Variants in DYNC2H1 observed in about 807,000 individuals in gnomAD.
DYNC2H1 encodes dynein cytoplasmic 2 heavy chain 1, also known as cytoplasmic dynein 2 heavy chain 1.
In DYNC2H1, 410 loss-of-function variants were observed where a neutral mutation model predicts 570.0. The ratio of observed to expected loss-of-function variants is 0.72; its 90% CI spans 0.66 to 0.78. DYNC2H1 has a LOEUF of 0.78. Ranked by LOEUF, DYNC2H1 falls within the 30% of genes least tolerant of loss-of-function variation. The pLI is 0.00. For synonymous variants in DYNC2H1, 1,688 were observed against 1,677.6 expected (o/e 1.01, Z -0.15); for missense variants, 4,865 against 5,046.4 (o/e 0.96, Z 1.09).
intron 87 of DYNC2H1, 106 bp downstream of exon 87, chr11:103,456,462 A>G (rs1374645435): frequency 9.0e-6 from 7 of 782,040 alleles, no homozygotes; most frequent in Non-Finnish European, 1.4e-5. Flanking sequence ...GTGTAAGATC[A>G]GTAGAGTTAG....
intron 67 of DYNC2H1, 60 bp downstream of exon 67, chr11:103,255,594 A>G: frequency 3.4e-6 from 5 of 1,468,986 alleles, no homozygotes; most frequent in Non-Finnish European, 4.5e-6. Context: ...ATGAATACAA[A>G]TAACAGTGTT....
chr11:103,147,734 C>G, intron 18 of DYNC2H1, 38 bp from the exon 19 acceptor site: 1 of 1,307,800 alleles, frequency 7.6e-7, no homozygotes, highest in Non-Finnish European at 1.1e-6. Flanking sequence ...TCTAATTAGT[C>G]TTTTCCATGT....
chr11:103,154,344 T>G (rs1198837525), intron 22 of DYNC2H1, 107 bp from the exon 23 acceptor site: 2 of 380,636 alleles, frequency 5.3e-6, no homozygotes, highest in African/African-American at 4.5e-5. Context: ...CATACACAAG[T>G]GTGTGTGTAC....
At chr11:103,434,466 T>C (rs1430616536) in intron 84 of DYNC2H1, among the ~76,000 whole-genome samples, 1 of 151,278 alleles carries the variant, frequency 6.6e-6, no homozygotes, top group African/African-American at 2.4e-5. Flanking sequence ...ATAGGCTTCC[T>C]CTAGTATTCT....
chr11:103,386,273 G>C (rs1941866714), intron 83 of DYNC2H1, among the ~76,000 whole-genome samples: 1 of 152,080 alleles, frequency 6.6e-6, no homozygotes, highest in Non-Finnish European at 1.5e-5. Context: ...TTTGTTTGTA[G>C]ACTTCCTTTT....
At chr11:103,237,261 TTCTC>T (rs1864254247) in intron 63 of DYNC2H1, among the ~76,000 whole-genome samples, 1 of 152,152 alleles carries the variant, frequency 6.6e-6, no homozygotes, top group Admixed American at 6.6e-5. Context: ...TCAGTAATCC[TTCTC>T]TCTGCCTACA....
At chr11:103,356,305 T>G (rs1321931157) in intron 82 of DYNC2H1, among the ~76,000 whole-genome samples, 1 of 152,174 alleles carries the variant, frequency 6.6e-6, no homozygotes, top group Non-Finnish European at 1.5e-5. Flanking sequence ...AATAAAAATG[T>G]TTTTATTTTA....
At chr11:103,231,192 GTGC>G in intron 59 of DYNC2H1, 65 bp from the exon 60 acceptor site, 6 of 878,452 alleles carry the variant, frequency 6.8e-6, no homozygotes, top group Admixed American at 2.6e-5. Flanking sequence ...ACATTTTAAG[GTGC>G]TGCTGCTGCT....
At chr11:103,453,784 T>C (rs1944694062) in intron 85 of DYNC2H1, among the ~76,000 whole-genome samples, 2 of 151,624 alleles carry the variant, frequency 1.3e-5, no homozygotes, top group African/African-American at 4.8e-5. Context: ...CAGGAATAAA[T>C]ATTAACTATA....
chr11:103,194,969 C>T (rs1862463505), intron 47 of DYNC2H1, among the ~76,000 whole-genome samples: 1 of 152,152 alleles, frequency 6.6e-6, no homozygotes, highest in Non-Finnish European at 1.5e-5. Flanking sequence ...CCACCTGCCT[C>T]AGCCTCCCAA....
rs7926700 is a variant in DYNC2H1, at chr11:103,324,076, C to G, written c.12039+86C>G. The stretch of plus-strand genomic sequence containing the variant: ...ATTAAACTTGATTTAGTACTGTAGA[C>G]CCCACAAGCTTTATTTAAACATTTT... On this transcript the variant is annotated intron_variant, in intron 82 of 88. Coordinates refer to ENST00000375735, the MANE Select transcript of DYNC2H1 (RefSeq NM_001377.3). This position sits in a 1 kb window ranked among gnomAD's most constrained non-coding sequence, Gnocchi z 5.2. The G allele has an allele frequency of 0.028, 19,814 of 697,124 alleles. 933 individuals carry two copies. The highest frequency in any genetic ancestry group is 0.16 in the African/African-American group (8,880 of 54,232). The allele number at this position is 697,124 out of a possible 1,614,324, so 43.2% of individuals were successfully genotyped here.
rs1262759536 is a variant in DYNC2H1 at position 103,412,142 on chromosome 11, AGTTAAATTTTTGTT to A, written c.12366+12271_12366+12284del. 2.0e-5 allele frequency among the ~76,000 whole-genome samples: 3 copies of A among 151,338 alleles called. No individual in the cohort carries two copies. The East Asian group carries it at 5.9e-4, about 30-fold the overall frequency. ...ACTACCCCATTTATTTCAAAATAAA[AGTTAAATTTTTGTT>A]AAATTTTTGTTACATTTGAATGTGA... is the stretch of plus-strand genomic sequence containing the variant. On this transcript the variant is annotated intron_variant, in intron 84 of 88. Transcript: ENST00000375735.
chr11:103,143,250 T>G lies in DYNC2H1; in HGVS notation c.2575-18T>G, dbSNP rs1316369741. Reference sequence around the variant, plus strand: ...GGTTCTGTGTCTTTAATAATACATTTTTTCTTTCTTTAAATAGGAATGGAT... The same window carrying G: ...GGTTCTGTGTCTTTAATAATACATTGTTTCTTTCTTTAAATAGGAATGGAT... On this transcript the variant is annotated intron_variant, in intron 17 of 88. Coordinates refer to ENST00000375735, the MANE Select transcript of DYNC2H1 (RefSeq NM_001377.3). The G allele has an allele frequency of 6.2e-7, 1 of 1,609,708 alleles. No homozygotes were observed.
intron 69 of DYNC2H1, 73 bp from the exon 70 acceptor site, chr11:103,259,814 TG>T: frequency 9.8e-7 from 1 of 1,018,824 alleles, no homozygotes; most frequent in Non-Finnish European, 1.4e-6. Flanking sequence ...GCTTTGAATC[TG>T]GAGGAACAAT....
intron 59 of DYNC2H1, among the ~76,000 whole-genome samples, chr11:103,230,732 T>C (rs1863973502): frequency 6.6e-6 from 1 of 152,178 alleles, no homozygotes; most frequent in South Asian, 2.1e-4. Flanking sequence ...TAGTTATTAC[T>C]TTTTAAAAGT....
At chr11:103,365,976 A>G (rs1445519673) in intron 83 of DYNC2H1, among the ~76,000 whole-genome samples, 2 of 152,260 alleles carry the variant, frequency 1.3e-5, no homozygotes, top group Admixed American at 6.5e-5. Context: ...AAATGAATTT[A>G]TATCTTAAGA....
rs117154449 is a variant in DYNC2H1 at position 103,344,630 on chromosome 11, G to A, written c.12040-13613G>A. 3.6e-4 allele frequency among the ~76,000 whole-genome samples: 55 copies of A among 152,210 alleles called. No homozygotes were observed. In the East Asian group the frequency reaches 9.1e-3, roughly 25 times the overall value. On this transcript the variant is annotated intron_variant, in intron 82 of 88. Transcript: ENST00000375735. Reference sequence around the variant, plus strand: ...ACCTTACCAAACAGACTGTTTTTGAGCATTTGTATAATATAGCAACCTCCC... The same window carrying A: ...ACCTTACCAAACAGACTGTTTTTGAACATTTGTATAATATAGCAACCTCCC...
intron 88 of DYNC2H1, among the ~76,000 whole-genome samples, chr11:103,478,692 T>G (rs758745193): frequency 1.3e-5 from 2 of 152,190 alleles, no homozygotes; most frequent in African/African-American, 4.8e-5. Context: ...CTGCAAAGCA[T>G]AGGCTTCATT....
In DYNC2H1 at chr11:103,145,038, G is replaced by A. The variant is rs571883578; in HGVS notation, c.2702+1643G>A. On this transcript the variant is annotated intron_variant, in intron 18 of 88. Transcript: ENST00000375735. The surrounding 1 kb of genome is among the most constrained non-coding windows in gnomAD (Gnocchi z 4.2). ...TGGGACTACAGGCACGTGCCACCAC[G>A]CCTGGCTAATTTTTTGTATTTTTAG... Among the ~76,000 whole-genome samples the A allele has an allele frequency of 3.3e-5, 5 of 152,032 alleles. No individual in the cohort carries two copies. The highest frequency in any genetic ancestry group is 4.2e-4 in the South Asian group (2 of 4,798).
Sources: allele counts gnomAD v4.1 joint callset (sites outside exome capture counted in the v4.1 genomes callset), GRCh38; gene constraint gnomAD v4.1.1; non-coding constraint Gnocchi (gnomAD v3.1); transcripts MANE v1.5; gene names NCBI Gene and HGNC (gene_info 2026-07-23, HGNC 2026-07-21).